TSNARE1: variants seen among roughly 807,000 people sequenced by gnomAD.
The protein encoded by TSNARE1 is t-SNARE domain containing 1.
TSNARE1 carries 49 observed loss-of-function variants against 62.0 expected under a neutral mutation model. The observed-to-expected ratio is 0.79, with a 90% CI of 0.63 to 1.00. The LOEUF (loss-of-function observed/expected upper bound fraction) is 1.00. TSNARE1 is among the 50% of genes least tolerant of loss of function. TSNARE1 has a pLI of 0.00. For missense variants in TSNARE1, 755 were observed against 700.1 expected (o/e 1.08, Z -0.88); for synonymous variants, 328 against 294.4 (o/e 1.11, Z -1.17).
intron 12 of TSNARE1, chr8:142,271,584 C>T (rs940213126): frequency 3.0e-5 from 42 of 1,419,554 alleles, no homozygotes; most frequent in African/African-American, 1.6e-4. Flanking sequence ...GAGGTGGGTG[C>T]GTGGAAGACT....
intron 4 of TSNARE1, among the ~76,000 whole-genome samples, chr8:142,337,207 C>T (rs1484772035): frequency 6.6e-6 from 1 of 152,130 alleles, no homozygotes; most frequent in Non-Finnish European, 1.5e-5. Context: ...AATCGATTTA[C>T]ATGGGAATAA....
rs1000859201 is a variant in TSNARE1 at position 142,354,709 on chromosome 8, T to A, written c.16A>T (p.Ile6Phe). The change falls in exon 2 of 14, where the codon ATC (isoleucine) becomes TTC (phenylalanine). Residue 6 changes from isoleucine to phenylalanine, a missense_variant. Ile to Phe is a conservative substitution (Grantham distance 21, BLOSUM62 0). Transcript: ENST00000524325. MSYGS[I>F]ARGGGLGSRG... ...CTCCCCAGGCCACCTCCACGGGCGATGGATCCGTATGACATCTTCTTACAG... is the reference window on the plus strand; with the variant it reads ...CTCCCCAGGCCACCTCCACGGGCGAAGGATCCGTATGACATCTTCTTACAG... The A allele has an allele frequency of 3.1e-6, 5 of 1,613,230 alleles. No individual in the cohort carries two copies. Among genetic ancestry groups the A allele is most frequent in the Non-Finnish European group, 3.4e-6 (4 of 1,179,738 alleles).
At chr8:142,403,910 G>C (rs531058755), upstream of TSNARE1, 1 of 152,268 alleles carries the variant, frequency 6.6e-6, no homozygotes, top group Non-Finnish European at 1.5e-5. Flanking sequence ...TCGCTCTCCC[G>C]GTGACCTGCT....
At chr8:142,361,837 GGCCAGACCACA>G (rs1324165923) in intron 1 of TSNARE1, among the ~76,000 whole-genome samples, 1 of 152,174 alleles carries the variant, frequency 6.6e-6, no homozygotes, top group Non-Finnish European at 1.5e-5. Context: ...CTAGATCAGT[GGCCAGACCACA>G]GCCAGACCCC....
intron 9 of TSNARE1, among the ~76,000 whole-genome samples, chr8:142,305,272 G>A (rs947054475): frequency 4.6e-5 from 7 of 151,562 alleles, no homozygotes; most frequent in South Asian, 2.1e-4. Flanking sequence ...GACCTGCCTC[G>A]GATCTGTGCC....
At chr8:142,376,504 TG>T (rs1198932784) in intron 1 of TSNARE1, among the ~76,000 whole-genome samples, 2 of 151,954 alleles carry the variant, frequency 1.3e-5, no homozygotes, top group Non-Finnish European at 2.9e-5. Flanking sequence ...CCACCATGTG[TG>T]GGCACAGCAA....
At chr8:142,307,787 A>G (rs751380555) in intron 9 of TSNARE1, among the ~76,000 whole-genome samples, 5 of 152,174 alleles carry the variant, frequency 3.3e-5, no homozygotes, top group South Asian at 2.1e-4. Context: ...GCTGAACTTG[A>G]TATTCTCGAA....
At chr8:142,331,863 A>G in intron 4 of TSNARE1, 32 bp from the exon 5 acceptor site, 1 of 1,584,690 alleles carries the variant, frequency 6.3e-7, no homozygotes. Context: ...GAAAGAACAC[A>G]GGCTAAGGGT....
chr8:142,329,133 C>G (rs537031612), intron 6 of TSNARE1, among the ~76,000 whole-genome samples: 1 of 152,344 alleles, frequency 6.6e-6, no homozygotes, highest in Admixed American at 6.5e-5. Context: ...TAAATGTTAA[C>G]AGTCCATGAT....
intron 2 of TSNARE1, among the ~76,000 whole-genome samples, chr8:142,352,654 G>A (rs1834254406): frequency 6.6e-6 from 1 of 152,284 alleles, no homozygotes; most frequent in African/African-American, 2.4e-5. Flanking sequence ...AGAACACGAT[G>A]CGTAAAAGCA....
At chr8:142,252,048 T>A in intron 12 of TSNARE1, among the ~76,000 whole-genome samples, 1 of 146,826 alleles carries the variant, frequency 6.8e-6, no homozygotes, top group East Asian at 2.1e-4. Flanking sequence ...CCGCCCACGT[T>A]CTCTATCTGC....
intron 11 of TSNARE1, chr8:142,279,743 C>T (rs1821102856): frequency 2.5e-6 from 1 of 405,824 alleles, no homozygotes; most frequent in Non-Finnish European, 3.3e-6. Context: ...CTCTGGGTCT[C>T]CCTCGGAGGG....
chr8:142,318,660 C>T (rs776055950), intron 6 of TSNARE1, 26 bp from the exon 7 acceptor site: 22 of 1,611,818 alleles, frequency 1.4e-5, no homozygotes, highest in East Asian at 2.2e-5. Context: ...GAGCCAGGAG[C>T]GAAGGCAGGG....
chr8:142,283,219 G>A (rs1287105938), intron 11 of TSNARE1, among the ~76,000 whole-genome samples: 2 of 149,698 alleles, frequency 1.3e-5, no homozygotes, highest in Non-Finnish European at 3.0e-5. Flanking sequence ...GGGCAAAAGC[G>A]GGATCAGTGT....
intron 12 of TSNARE1, among the ~76,000 whole-genome samples, chr8:142,235,153 T>C (rs887812157): frequency 6.6e-6 from 1 of 151,794 alleles, no homozygotes; most frequent in African/African-American, 2.4e-5. Flanking sequence ...GCGCCCTGGG[T>C]GCTGGTGCCC....
intron 10 of TSNARE1, among the ~76,000 whole-genome samples, chr8:142,299,457 T>C (rs962763020): frequency 7.2e-5 from 11 of 152,338 alleles, no homozygotes; most frequent in Admixed American, 5.9e-4. Context: ...CTTCTGCAGA[T>C]GAGGTGGCCA....
At chr8:142,239,079 G>A (rs1817569453) in intron 12 of TSNARE1, among the ~76,000 whole-genome samples, 1 of 152,220 alleles carries the variant, frequency 6.6e-6, no homozygotes, top group Admixed American at 6.5e-5. Context: ...GGGAGCCAGA[G>A]GGCAGGCAGG....
intron 2 of TSNARE1, among the ~76,000 whole-genome samples, chr8:142,350,966 C>T (rs1329801887): frequency 6.6e-6 from 1 of 152,246 alleles, no homozygotes; most frequent in Non-Finnish European, 1.5e-5. Flanking sequence ...GGCCGTCGGC[C>T]ACTTCAACTG....
intron 12 of TSNARE1, among the ~76,000 whole-genome samples, chr8:142,265,658 G>T (rs1819100360): frequency 1.3e-5 from 2 of 152,212 alleles, no homozygotes; most frequent in Admixed American, 1.3e-4. Flanking sequence ...TTTACATGTT[G>T]AAGAAACTAC....
Sources: allele counts gnomAD v4.1 joint callset (sites outside exome capture counted in the v4.1 genomes callset), GRCh38; gene constraint gnomAD v4.1.1; transcripts MANE v1.5; gene names NCBI Gene and HGNC (gene_info 2026-07-23, HGNC 2026-07-21).